The following DRC11 variants were observed in gnomAD, a reference collection of about 807,000 sequenced individuals.
The protein encoded by DRC11 is dynein regulatory complex subunit 11, also known as IQ and AAA domain-containing protein 1.
At chr2:236,357,368 ATATATT>A in the DRC11 span, among the ~76,000 whole-genome samples, 8 of 114,944 alleles carry the variant, frequency 7.0e-5, no homozygotes, top group African/African-American at 2.3e-4. Flanking sequence ...TATATTATAA[ATATATT>A]TATATAGTAT....
At chr2:236,440,053 G>T in the DRC11 span, among the ~76,000 whole-genome samples, 8 of 152,154 alleles carry the variant, frequency 5.3e-5, no homozygotes, top group Non-Finnish European at 8.8e-5. Context: ...GCAAATATTT[G>T]TTGAATGTTT....
the DRC11 span, among the ~76,000 whole-genome samples, chr2:236,445,517 T>G: frequency 6.6e-6 from 1 of 151,714 alleles, no homozygotes; most frequent in Non-Finnish European, 1.5e-5. This position sits in a 1 kb window ranked among gnomAD's most constrained non-coding sequence, Gnocchi z 4.8. Flanking sequence ...TTTTTGTATT[T>G]TTTGTAGAGA....
the DRC11 span, chr2:236,408,899 G>A: frequency 4.5e-6 from 3 of 659,954 alleles, no homozygotes; most frequent in East Asian, 8.9e-5. The surrounding 1 kb of genome is among the most constrained non-coding windows in gnomAD (Gnocchi z 5.5). Context: ...CTAGCCTGTT[G>A]ACTTCTTGCA....
At chr2:236,335,492 T>TCTCTCCTTC in the DRC11 span, among the ~76,000 whole-genome samples, 1 of 152,182 alleles carries the variant, frequency 6.6e-6, no homozygotes, top group Non-Finnish European at 1.5e-5. This position sits in a 1 kb window ranked among gnomAD's most constrained non-coding sequence, Gnocchi z 5.6. Context: ...AGGGATGCTT[T>TCTCTCCTTC]CTCTCCTTCC....
the DRC11 span, among the ~76,000 whole-genome samples, chr2:236,355,749 C>CTGTGTGTG: frequency 6.5e-5 from 7 of 107,854 alleles, no homozygotes; most frequent in African/African-American, 1.8e-4. Flanking sequence ...CTCTCTCTCT[C>CTGTGTGTG]TGTGTGTGTG....
the DRC11 span, among the ~76,000 whole-genome samples, chr2:236,323,060 C>T: frequency 3.2e-4 from 49 of 152,160 alleles, no homozygotes; most frequent in Non-Finnish European, 6.2e-4. This position sits in a 1 kb window ranked among gnomAD's most constrained non-coding sequence, Gnocchi z 6.4. Context: ...GTGTACTTGT[C>T]GTGAAACTAA....
chr2:236,447,530 T>C, the DRC11 span, among the ~76,000 whole-genome samples: 1 of 147,838 alleles, frequency 6.8e-6, no homozygotes, highest in Non-Finnish European at 1.5e-5. The surrounding 1 kb of genome is among the most constrained non-coding windows in gnomAD (Gnocchi z 4.6). Flanking sequence ...CAGAGGAGTG[T>C]AATTCCTAAG....
chr2:236,319,361 T>G, the DRC11 span, among the ~76,000 whole-genome samples: 13 of 152,334 alleles, frequency 8.5e-5, no homozygotes, highest in South Asian at 2.5e-3. This position sits in a 1 kb window ranked among gnomAD's most constrained non-coding sequence, Gnocchi z 6.7. Flanking sequence ...TGTGCTGAGC[T>G]GGGACTTATC....
At chr2:236,402,514 G>A in the DRC11 span, among the ~76,000 whole-genome samples, 11 of 152,388 alleles carry the variant, frequency 7.2e-5, no homozygotes, top group Non-Finnish European at 1.3e-4. This position sits in a 1 kb window ranked among gnomAD's most constrained non-coding sequence, Gnocchi z 6.0. Flanking sequence ...GGAGGCCCGG[G>A]GTGCTCGGGA....
chr2:236,415,320 C>A, the DRC11 span, among the ~76,000 whole-genome samples: 1 of 152,126 alleles, frequency 6.6e-6, no homozygotes, highest in South Asian at 2.1e-4. This position sits in a 1 kb window ranked among gnomAD's most constrained non-coding sequence, Gnocchi z 5.7. Context: ...CTGGGATAAG[C>A]CAGCGTCCAG....
chr2:236,454,459 A>C, the DRC11 span, among the ~76,000 whole-genome samples: 1 of 152,170 alleles, frequency 6.6e-6, no homozygotes, highest in Admixed American at 6.5e-5. This position sits in a 1 kb window ranked among gnomAD's most constrained non-coding sequence, Gnocchi z 5.3. Flanking sequence ...TCCTTCTCAT[A>C]TGAGTAACCT....
the DRC11 span, among the ~76,000 whole-genome samples, chr2:236,373,066 T>C: frequency 1.3e-5 from 2 of 152,160 alleles, no homozygotes; most frequent in Non-Finnish European, 2.9e-5. Flanking sequence ...CTTTAAAAAT[T>C]TGCCTTTTTG....
At chr2:236,354,352 T>C in the DRC11 span, among the ~76,000 whole-genome samples, 1 of 151,962 alleles carries the variant, frequency 6.6e-6, no homozygotes, top group Middle Eastern at 3.4e-3. Flanking sequence ...TGTGTGTGTG[T>C]GGGGGGCAGG....
chr2:236,447,240 C>A, the DRC11 span, among the ~76,000 whole-genome samples: 1 of 151,608 alleles, frequency 6.6e-6, no homozygotes, highest in Non-Finnish European at 1.5e-5. This position sits in a 1 kb window ranked among gnomAD's most constrained non-coding sequence, Gnocchi z 4.6. Flanking sequence ...CCTCAGGATG[C>A]GACCAGGTTG....
chr2:236,324,811 G>A, the DRC11 span: 2 of 1,538,276 alleles, frequency 1.3e-6, no homozygotes, highest in South Asian at 2.3e-5. The surrounding 1 kb of genome is among the most constrained non-coding windows in gnomAD (Gnocchi z 5.7). Context: ...TTTCGGAAAA[G>A]GTCAGAATGA....
the DRC11 span, among the ~76,000 whole-genome samples, chr2:236,482,619 T>C: frequency 6.6e-6 from 1 of 152,186 alleles, no homozygotes; most frequent in African/African-American, 2.4e-5. The surrounding 1 kb of genome is among the most constrained non-coding windows in gnomAD (Gnocchi z 4.5). Context: ...AAGATGTACA[T>C]TTTTCATAGT....
chr2:236,419,334 C>T, the DRC11 span: 25 of 1,492,438 alleles, frequency 1.7e-5, no homozygotes, highest in South Asian at 2.5e-4. This position sits in a 1 kb window ranked among gnomAD's most constrained non-coding sequence, Gnocchi z 4.8. Flanking sequence ...GGACTGTTTT[C>T]CCTGTCTGAA....
the DRC11 span, among the ~76,000 whole-genome samples, chr2:236,347,084 T>G: frequency 6.6e-6 from 1 of 152,136 alleles, no homozygotes; most frequent in East Asian, 1.9e-4. Context: ...CCCAGAAGCA[T>G]GCTAACATAG....
the DRC11 span, among the ~76,000 whole-genome samples, chr2:236,459,529 G>GTATACA: frequency 1.7e-5 from 1 of 59,458 alleles, no homozygotes; most frequent in African/African-American, 7.5e-5. Context: ...ATGTATACAT[G>GTATACA]TATACGTATA....
Sources: gnomAD v4.1 joint callset for allele counts (sites outside exome capture counted in the v4.1 genomes callset) on GRCh38, gnomAD v4.1.1 for gene constraint, Gnocchi (gnomAD v3.1) non-coding constraint, MANE v1.5 for transcripts, NCBI Gene and HGNC (gene_info 2026-07-23, HGNC 2026-07-21) for gene names.